Variants in PPP6R1 observed in about 807,000 individuals in gnomAD.
The protein encoded by PPP6R1 is serine/threonine-protein phosphatase 6 regulatory subunit 1.
Under a neutral mutation model 104.6 loss-of-function variants are expected in PPP6R1, and 39 were observed. That is an observed-to-expected ratio of 0.37 (90% CI 0.29 to 0.49). The LOEUF (loss-of-function observed/expected upper bound fraction) is 0.49, where lower values mean the gene tolerates loss of function less well. PPP6R1 is among the 20% of genes least tolerant of loss of function. PPP6R1 has a pLI of 0.98. For synonymous variants in PPP6R1, 549 were observed against 479.0 expected (o/e 1.15, Z -1.91); for missense variants, 1,181 against 1,155.8 (o/e 1.02, Z -0.32).
intron 1 of PPP6R1, among the ~76,000 whole-genome samples, chr19:55,249,542 C>A (rs1158010810): frequency 6.6e-6 from 1 of 152,036 alleles, no homozygotes; most frequent in African/African-American, 2.4e-5. Context: ...TGCCCAGACT[C>A]CCAATATTCC....
Position 55,239,673 on chromosome 19 carries a change from T to G in PPP6R1, c.1574A>C (p.His525Pro). ...KKNMVDLVNT[H>P]HLHSSSDDED... is the part of the protein sequence containing the mutation. ...ATCGTCACTGGAGGAGTGTAGGTGG[T>G]GGGTGTTCACCTGGGGAGAGGAGGG... The change falls in exon 14 of 24, where the codon CAC (histidine) becomes CCC (proline). Residue 525 changes from histidine to proline, a missense_variant. By Grantham distance (77) the His-to-Pro change is moderately conservative (BLOSUM62 -2). This residue lies in a region of PPP6R1 where 1,042 missense variants were observed against 955.6 expected (regional missense o/e 1.09). Coordinates refer to ENST00000412770, the MANE Select transcript of PPP6R1 (RefSeq NM_014931.4). 6.2e-7 allele frequency: 1 copy of G among 1,610,832 alleles called. No homozygotes were observed. Among genetic ancestry groups the G allele is most frequent in the Non-Finnish European group, 8.5e-7 (1 of 1,178,454 alleles).
At chr19:55,231,550 G>A in intron 20 of PPP6R1, 48 bp downstream of exon 20, 1 of 1,598,642 alleles carries the variant, frequency 6.3e-7, no homozygotes, top group East Asian at 2.3e-5. Context: ...TGGCCAGGCT[G>A]CTCTCTCTGC....
At chr19:55,258,408 G>C (rs1411566076) in intron 1 of PPP6R1, 27 bp downstream of exon 1, 4 of 151,900 alleles carry the variant, frequency 2.6e-5, no homozygotes, top group African/African-American at 9.7e-5. Context: ...CCTGGAGAGA[G>C]AGGGTCGGGC....
chr19:55,240,901 G>A (rs760763684), intron 10 of PPP6R1, 44 bp downstream of exon 10: 23 of 1,591,112 alleles, frequency 1.4e-5, no homozygotes, highest in Non-Finnish European at 2.0e-5. Context: ...TGCGCCCACA[G>A]GGGATGGGCC....
At chr19:55,252,997 G>A (rs1017480673) in intron 1 of PPP6R1, among the ~76,000 whole-genome samples, 30 of 152,152 alleles carry the variant, frequency 2.0e-4, no homozygotes, top group African/African-American at 5.3e-4. Flanking sequence ...ATGAGATGCC[G>A]GCCAGCCTGG....
At chr19:55,254,482 C>T (rs910271568) in intron 1 of PPP6R1, among the ~76,000 whole-genome samples, 2 of 152,164 alleles carry the variant, frequency 1.3e-5, no homozygotes, top group African/African-American at 2.4e-5. Context: ...GCACTAACTG[C>T]GGCTCCCACA....
intron 1 of PPP6R1, among the ~76,000 whole-genome samples, chr19:55,248,932 C>T (rs1465896351): frequency 6.6e-6 from 1 of 152,210 alleles, no homozygotes; most frequent in Non-Finnish European, 1.5e-5. Flanking sequence ...CCTGACCACC[C>T]TAAGGCTGGG....
chr19:55,258,811 C>G lies in PPP6R1; in HGVS notation c.-383G>C, dbSNP rs569384999. On this transcript the variant is annotated 5_prime_UTR_variant, in exon 1 of 24. Transcript: ENST00000412770. ...GCCGGGAAGACGGGGGAAGTTGCCCCGGTTTCCACAGTCCAACCGAGCGCC... is the reference window on the plus strand; with the variant it reads ...GCCGGGAAGACGGGGGAAGTTGCCCGGGTTTCCACAGTCCAACCGAGCGCC... 4 of 152,202 alleles carry G rather than the reference C, an allele frequency of 2.6e-5. No homozygotes were observed. The South Asian group carries it at 6.2e-4, about 24-fold the overall frequency. 9.4% of individuals were successfully genotyped at this position (152,202 alleles called of 1,614,324 possible).
chr19:55,240,398 A>C, intron 10 of PPP6R1, 98 bp from the exon 11 acceptor site: 2 of 1,214,552 alleles, frequency 1.6e-6, no homozygotes, highest in South Asian at 2.6e-5. Context: ...CAGATGCTTC[A>C]CCAGGCCCCC....
In PPP6R1 at chr19:55,242,492, G is replaced by A. The variant is rs1450486041; in HGVS notation, c.619-4C>T. On this transcript the variant is annotated splice_region_variant and splice_polypyrimidine_tract_variant and intron_variant, in intron 5 of 23. Coordinates refer to ENST00000412770, the MANE Select transcript of PPP6R1 (RefSeq NM_014931.4). ...ACTGGGATGCGTTGGAATGTTGCTG[G>A]AACGGGGAGAGACAGGTGAGGATCC... is the stretch of plus-strand genomic sequence containing the variant. The A allele has an allele frequency of 3.1e-6, 5 of 1,610,478 alleles. No individual in the cohort carries two copies. The East Asian group carries it at 1.1e-4, about 36-fold the overall frequency.
At chr19:55,250,858 G>A (rs921176761) in intron 1 of PPP6R1, among the ~76,000 whole-genome samples, 3 of 151,844 alleles carry the variant, frequency 2.0e-5, no homozygotes, top group East Asian at 1.9e-4. Context: ...GGCGACCCCT[G>A]CTCGTTCCCT....
downstream of PPP6R1, chr19:55,228,513 G>A: frequency 6.3e-7 from 1 of 1,577,680 alleles, no homozygotes; most frequent in Non-Finnish European, 8.6e-7. Context: ...CATGGCTCCT[G>A]TCCCACCCCC....
In PPP6R1 at chr19:55,231,581, G is replaced by A. The variant is rs376301269; in HGVS notation, c.2377+17C>T. On this transcript the variant is annotated intron_variant, in intron 20 of 23. Transcript: ENST00000412770. ...TCTGCCCAGGGCCGCGGGTGGGCAGGGCAAAGCGGGGCTCACCTGAGGGCT... is the reference window on the plus strand; with the variant it reads ...TCTGCCCAGGGCCGCGGGTGGGCAGAGCAAAGCGGGGCTCACCTGAGGGCT... The A allele has an allele frequency of 2.6e-5, 42 of 1,608,064 alleles. No individual in the cohort carries two copies. The East Asian group carries it at 5.4e-4, about 21-fold the overall frequency.
chr19:55,242,511 A>G, intron 5 of PPP6R1, 23 bp from the exon 6 acceptor site: 1 of 1,600,590 alleles, frequency 6.2e-7, no homozygotes, highest in South Asian at 1.1e-5. Context: ...GAGACAGGTG[A>G]GGATCCTGGT....
At chr19:55,243,953 T>TA (rs1331054289) in intron 5 of PPP6R1, among the ~76,000 whole-genome samples, 2 of 152,150 alleles carry the variant, frequency 1.3e-5, no homozygotes, top group African/African-American at 4.8e-5. Context: ...TTTGGAGTGA[T>TA]AAAAAATAAT....
chr19:55,236,342 A>G, intron 17 of PPP6R1: 1 of 332,360 alleles, frequency 3.0e-6, no homozygotes, highest in East Asian at 5.2e-5. Context: ...TTTTGTAGAG[A>G]CAGGATCTCC....
In PPP6R1 at chr19:55,245,158, G is replaced by C; in HGVS notation, c.580C>G (p.Arg194Gly). Residue 194 changes from arginine (R) to glycine (G), a missense_variant, in exon 5 of 24, where the codon CGG becomes GGG. Transcript: ENST00000412770. The surrounding 1 kb of genome is among the most constrained non-coding windows in gnomAD (Gnocchi z 6.4). ...NWLNEEKIVQ[R>G]LIEQIHPSKD... ...GACGGGTGGATCTGCTCAATCAGCCGCTGGACGATCTTCTCCTCGTTGAGC... is the reference window on the plus strand; with the variant it reads ...GACGGGTGGATCTGCTCAATCAGCCCCTGGACGATCTTCTCCTCGTTGAGC... The C allele has an allele frequency of 6.2e-7, 1 of 1,613,356 alleles. No individual in the cohort carries two copies. Among genetic ancestry groups the C allele is most frequent in the East Asian group, 2.2e-5 (1 of 44,880 alleles).
Position 55,236,643 on chromosome 19 carries a change from C to T in PPP6R1, c.1988G>A (p.Arg663Gln), listed in dbSNP as rs138501306. The change falls in exon 17 of 24, where the codon CGG (arginine) becomes CAG (glutamine). Residue 663 changes from arginine to glutamine, a missense_variant and splice_region_variant. Arg to Gln is a conservative substitution (Grantham distance 43, BLOSUM62 1). Around this residue, in one of 2 missense-constraint regions of PPP6R1, gnomAD observed 1,042 missense variants for 955.6 expected, o/e 1.09. Transcript: ENST00000412770. ...GARLGQPPGV[R>Q]SGGSTDSEDE... The stretch of plus-strand genomic sequence containing the variant: ...GAAGGGAAACTGGAGGGGGACTCAC[C>T]GGACACCAGGTGGCTGGCCCAGACG... 9,709 of 1,546,024 alleles carry T rather than the reference C, an allele frequency of 6.3e-3. 47 individuals carry two copies. The highest frequency in any genetic ancestry group is 6.9e-3 in the Non-Finnish European group (7,998 of 1,151,590).
chr19:55,231,925 C>T lies in PPP6R1; in HGVS notation c.2183G>A (p.Arg728Gln), dbSNP rs1600103158. ...PVPTDAPTSP[R>Q]VSGEEELHTG... The stretch of plus-strand genomic sequence containing the variant: ...GTGCAGCTCTTCCTCCCCGGAGACT[C>T]GGGGGCTGGTCGGGGCATCTGTAGG... The change falls in exon 19 of 24, where the codon CGA (arginine) becomes CAA (glutamine). Residue 728 changes from arginine to glutamine, a missense_variant. This residue lies in a region of PPP6R1 where 1,042 missense variants were observed against 955.6 expected (regional missense o/e 1.09). Transcript: ENST00000412770. 1 of 1,564,160 alleles carries T rather than the reference C, an allele frequency of 6.4e-7. No homozygotes were observed. The highest frequency in any genetic ancestry group is 2.3e-5 in the East Asian group (1 of 44,102).
Sources: gnomAD v4.1 joint callset for allele counts (sites outside exome capture counted in the v4.1 genomes callset) on GRCh38, gnomAD v4.1.1 for gene constraint, gnomAD v4.1.1 regional missense constraint, Gnocchi (gnomAD v3.1) non-coding constraint, MANE v1.5 for transcripts, NCBI Gene and HGNC (gene_info 2026-07-23, HGNC 2026-07-21) for gene names.